Variants in DOCK3 observed in about 807,000 individuals in gnomAD.
DOCK3 encodes dedicator of cytokinesis 3, also known as dedicator of cytokinesis protein 3.
DOCK3 carries 60 observed loss-of-function variants against 265.6 expected under a neutral mutation model. The ratio of observed to expected loss-of-function variants is 0.23; its 90% confidence interval spans 0.18 to 0.28. The LOEUF is 0.28. Among genes scored for constraint, DOCK3 ranks in the 10% least tolerant of loss-of-function variants. DOCK3 has a pLI of 1.00. For missense variants in DOCK3, 1,981 were observed against 2,594.3 expected (o/e 0.76, Z 5.14); for synonymous variants, 881 against 938.0 (o/e 0.94, Z 1.11).
chr3:50,890,023 C>T lies in DOCK3; in HGVS notation c.163-3C>T. 7.1e-7 allele frequency: 1 copy of T among 1,410,044 alleles called. No homozygotes were observed. The highest frequency in any genetic ancestry group is 9.2e-7 in the Non-Finnish European group (1 of 1,088,694). 87.3% of individuals were successfully genotyped at this position (1,410,044 alleles called of 1,614,324 possible). ...CTAACAGGAAATATTTTCTCTTTTA[C>T]AGGGGATCTTTCCTGCAAATTACAT... On this transcript the variant is annotated splice_region_variant and splice_polypyrimidine_tract_variant and intron_variant, in intron 3 of 52. Coordinates refer to ENST00000266037, the MANE Select transcript of DOCK3 (RefSeq NM_004947.5).
intron 2 of DOCK3, chr3:50,787,452 T>G: frequency 2.3e-6 from 1 of 430,114 alleles, no homozygotes. Flanking sequence ...GGAGAATCGC[T>G]TGAACCCGGG....
intron 3 of DOCK3, among the ~76,000 whole-genome samples, chr3:50,881,699 T>C (rs1232651806): frequency 6.6e-6 from 1 of 152,132 alleles, no homozygotes; most frequent in African/African-American, 2.4e-5. Context: ...CCCAAGGTAA[T>C]TTATAGATTC....
intron 9 of DOCK3, among the ~76,000 whole-genome samples, chr3:51,138,376 G>C (rs141544578): frequency 6.6e-6 from 1 of 152,254 alleles, no homozygotes; most frequent in East Asian, 1.9e-4. Flanking sequence ...ATTTGTGTAT[G>C]CCCAAAGGCC....
chr3:51,255,486 C>T (rs533612781), intron 22 of DOCK3, among the ~76,000 whole-genome samples: 11 of 152,012 alleles, frequency 7.2e-5, no homozygotes, highest in African/African-American at 1.7e-4. Flanking sequence ...CCATTCTCCC[C>T]GTCACTTTCA....
chr3:51,332,854 T>C, intron 33 of DOCK3, 147 bp from the exon 34 acceptor site: 1 of 898,948 alleles, frequency 1.1e-6, no homozygotes, highest in Non-Finnish European at 1.8e-6. Context: ...TTACAGTGTA[T>C]GCCTAAGGTG....
intron 5 of DOCK3, among the ~76,000 whole-genome samples, chr3:51,048,983 A>G (rs1055588464): frequency 1.3e-5 from 2 of 152,166 alleles, no homozygotes; most frequent in Non-Finnish European, 2.9e-5. Context: ...CAGCAACAAC[A>G]AACAGTAGCA....
rs147962484 is a variant in DOCK3, at chr3:51,097,129, A to T, written c.746+6745A>T. On this transcript the variant is annotated intron_variant, in intron 9 of 52. Transcript: ENST00000266037. ...ACAGTCTGTCCCTCAGCAGAGCTCA[A>T]GCGCTGTGTTGGGAGATCCGTTGCT... is the stretch of plus-strand genomic sequence containing the variant. Among the ~76,000 whole-genome samples the T allele has an allele frequency of 7.3e-3, 1,112 of 152,332 alleles. 7 individuals are homozygous for T. Among genetic ancestry groups the T allele is most frequent in the African/African-American group, 0.01 (430 of 41,572 alleles).
At chr3:51,187,751 C>CTTTTT (rs1222615450) in intron 12 of DOCK3, among the ~76,000 whole-genome samples, 6 of 112,148 alleles carry the variant, frequency 5.4e-5, no homozygotes, top group Non-Finnish European at 9.2e-5. Context: ...TCTGCACAAG[C>CTTTTT]TTTTTTTTTT....
intron 3 of DOCK3, among the ~76,000 whole-genome samples, chr3:50,875,164 A>G (rs2047642352): frequency 6.6e-6 from 1 of 152,176 alleles, no homozygotes; most frequent in African/African-American, 2.4e-5. Flanking sequence ...ATGTATGCCT[A>G]TGTAACAAAC....
chr3:51,379,479 T>C, intron 51 of DOCK3: 1 of 985,470 alleles, frequency 1.0e-6, no homozygotes, highest in South Asian at 4.7e-5. Flanking sequence ...AGCTGGAGTC[T>C]GGATAGCGGA....
intron 9 of DOCK3, among the ~76,000 whole-genome samples, chr3:51,104,702 A>G (rs1365032385): frequency 1.3e-5 from 2 of 152,130 alleles, no homozygotes; most frequent in Non-Finnish European, 2.9e-5. Flanking sequence ...TTATAATCTG[A>G]GAAAAATATA....
At position 51,228,073 on chromosome 3, in the gene DOCK3, G is replaced by A. The variant is rs1236387141; in HGVS notation, c.1632G>A (p.Glu544=). ...CCACCCTCTCAGATGATATTCACGA[G>A]CTTTATGTGTACAAGGTATGAAGCC... is the stretch of plus-strand genomic sequence containing the variant. ...DGTTLSDDIH[E]LYVYKCDENS... is the part of the protein sequence containing the mutation. Residue 544 remains glutamate (E), a synonymous_variant, in exon 17 of 53, where the codon GAG becomes GAA. Transcript: ENST00000266037. The A allele has an allele frequency of 1.9e-6, 3 of 1,614,008 alleles. No individual in the cohort carries two copies. In the Admixed American group the frequency reaches 5.0e-5, roughly 27 times the overall value.
intron 12 of DOCK3, among the ~76,000 whole-genome samples, chr3:51,180,971 A>G (rs1425088746): frequency 6.6e-6 from 1 of 152,194 alleles, no homozygotes; most frequent in Non-Finnish European, 1.5e-5. Context: ...AGGTGAGTGA[A>G]TGGACAGAAA....
At chr3:51,159,422 T>TA in intron 11 of DOCK3, 118 bp downstream of exon 11, 1 of 916,872 alleles carries the variant, frequency 1.1e-6, no homozygotes, top group South Asian at 1.7e-5. Flanking sequence ...GTCTCAGGAT[T>TA]AGAGTCCAGC....
In DOCK3 at chr3:50,796,488, G is replaced by A. The variant is rs186151219; in HGVS notation, c.121+17730G>A. Among the ~76,000 whole-genome samples, 5 of 152,076 alleles carry A rather than the reference G, an allele frequency of 3.3e-5. No homozygotes were observed. In the East Asian group the frequency reaches 5.8e-4, roughly 18 times the overall value. On this transcript the variant is annotated intron_variant, in intron 2 of 52. Coordinates refer to ENST00000266037, the MANE Select transcript of DOCK3 (RefSeq NM_004947.5). The stretch of plus-strand genomic sequence containing the variant: ...CTAGTAGCTGGGATTATAGGCATGC[G>A]TCACCACGCTCGGCTAATTTTGTAT...
chr3:51,243,323 C>G (rs1029987486), intron 21 of DOCK3, among the ~76,000 whole-genome samples: 1 of 152,192 alleles, frequency 6.6e-6, no homozygotes, highest in African/African-American at 2.4e-5. Flanking sequence ...TGGTTGAGGG[C>G]TCTCCTTCTG....
At chr3:50,750,620 G>A (rs913402279) in intron 1 of DOCK3, among the ~76,000 whole-genome samples, 9 of 152,078 alleles carry the variant, frequency 5.9e-5, no homozygotes, top group South Asian at 2.1e-4. Context: ...GAGCTACCGC[G>A]CCTGGCCTAC....
chr3:50,989,424 A>T (rs930934939), intron 5 of DOCK3, among the ~76,000 whole-genome samples: 6 of 152,166 alleles, frequency 3.9e-5, no homozygotes, highest in Non-Finnish European at 8.8e-5. Flanking sequence ...ATTGAGCGGG[A>T]ACATGGCTGC....
chr3:51,273,111 G>A (rs1044509474), intron 24 of DOCK3, among the ~76,000 whole-genome samples: 5 of 149,776 alleles, frequency 3.3e-5, no homozygotes, highest in Non-Finnish European at 7.4e-5. Flanking sequence ...GCAGTGAGCC[G>A]AGATCACGCC....
Sources: allele counts gnomAD v4.1 joint callset (sites outside exome capture counted in the v4.1 genomes callset), GRCh38; gene constraint gnomAD v4.1.1; transcripts MANE v1.5; gene names NCBI Gene and HGNC (gene_info 2026-07-23, HGNC 2026-07-21).